MECOM: variants seen among roughly 807,000 people sequenced by gnomAD.
MECOM encodes histone-lysine N-methyltransferase MECOM.
MECOM carries 13 observed loss-of-function variants against 116.3 expected under a neutral mutation model. The ratio of observed to expected loss-of-function variants is 0.11; its 90% CI spans 0.07 to 0.18. The LOEUF is 0.18. MECOM is among the 10% of genes least tolerant of loss of function. MECOM has a pLI of 1.00. For synonymous variants in MECOM, 528 were observed against 535.2 expected (o/e 0.99, Z 0.19); for missense variants, 1,299 against 1,509.0 (o/e 0.86, Z 2.31).
At chr3:169,365,151 A>G (rs1273489531) in intron 2 of MECOM, among the ~76,000 whole-genome samples, 1 of 151,946 alleles carries the variant, frequency 6.6e-6, no homozygotes, top group Non-Finnish European at 1.5e-5. Flanking sequence ...ACCCTTCTCA[A>G]TCCTGGGGCT....
intron 2 of MECOM, among the ~76,000 whole-genome samples, chr3:169,160,879 A>G (rs13315850): frequency 0.013 from 2,038 of 152,296 alleles, 52 homozygotes; most frequent in African/African-American, 0.047. Context: ...TGTGGTAAAA[A>G]GAAGACAAAA....
At chr3:169,261,440 T>C (rs1419555211) in intron 2 of MECOM, among the ~76,000 whole-genome samples, 18 of 152,292 alleles carry the variant, frequency 1.2e-4, no homozygotes, top group South Asian at 4.2e-4. Context: ...GGCTCATGCC[T>C]GTAATCCCAG....
intron 2 of MECOM, among the ~76,000 whole-genome samples, chr3:169,176,922 T>C (rs968824792): frequency 1.3e-5 from 2 of 152,116 alleles, no homozygotes; most frequent in Non-Finnish European, 1.5e-5. Flanking sequence ...TGAGATACCA[T>C]CTCATGCCAG....
intron 1 of MECOM, among the ~76,000 whole-genome samples, chr3:169,590,632 T>C (rs1457308944): frequency 6.6e-6 from 1 of 152,250 alleles, no homozygotes; most frequent in Non-Finnish European, 1.5e-5. Flanking sequence ...TATGCATATT[T>C]CATTTAACCT....
chr3:169,094,199 G>C (rs946551149), intron 13 of MECOM, among the ~76,000 whole-genome samples: 1 of 152,098 alleles, frequency 6.6e-6, no homozygotes, highest in Non-Finnish European at 1.5e-5. Context: ...GGGGAAGAAA[G>C]ATTAATAATT....
At chr3:169,604,022 T>C (rs961425104) in intron 1 of MECOM, among the ~76,000 whole-genome samples, 3 of 152,200 alleles carry the variant, frequency 2.0e-5, no homozygotes, top group Admixed American at 6.5e-5. Context: ...GTTTTTAAAG[T>C]TTCTAAGGAA....
At chr3:169,108,064 C>T (rs999943531) in intron 9 of MECOM, 112 bp from the exon 10 acceptor site, 27 of 801,744 alleles carry the variant, frequency 3.4e-5, no homozygotes, top group Non-Finnish European at 5.4e-5. Context: ...TTTTGCTTAT[C>T]ATGTAACTGT....
intron 1 of MECOM, among the ~76,000 whole-genome samples, chr3:169,496,202 A>G (rs1235168419): frequency 2.6e-5 from 4 of 152,252 alleles, no homozygotes; most frequent in African/African-American, 4.8e-5. Context: ...GGCAGAGTCT[A>G]TCAGGAGTTC....
intron 1 of MECOM, among the ~76,000 whole-genome samples, chr3:169,505,460 C>A (rs539810441): frequency 1.3e-5 from 2 of 152,186 alleles, no homozygotes; most frequent in Non-Finnish European, 2.9e-5. Flanking sequence ...AGGTACATAA[C>A]TTGATATACA....
intron 2 of MECOM, among the ~76,000 whole-genome samples, chr3:169,357,823 A>T (rs1727524928): frequency 6.6e-6 from 1 of 151,834 alleles, no homozygotes; most frequent in South Asian, 2.1e-4. Context: ...AAAGACAGAA[A>T]AAGGGAAGAA....
intron 1 of MECOM, among the ~76,000 whole-genome samples, chr3:169,541,536 A>T (rs1405248147): frequency 6.6e-6 from 1 of 152,172 alleles, no homozygotes; most frequent in African/African-American, 2.4e-5. Flanking sequence ...AACTCTGCGC[A>T]TGGCTCGAAT....
Position 169,089,202 on chromosome 3 carries a change from A to G in MECOM, c.3402-19T>C, listed in dbSNP as rs768016156. The G allele has an allele frequency of 1.4e-6, 2 of 1,453,288 alleles. No homozygotes were observed. The highest frequency in any genetic ancestry group is 1.8e-6 in the Non-Finnish European group (2 of 1,100,430). 90.0% of individuals were successfully genotyped at this position (1,453,288 alleles called of 1,614,324 possible). The stretch of plus-strand genomic sequence containing the variant: ...TTTATACCTAAAATGAACCAACGAA[A>G]AACACAGAAATTTTCTTTTCATTTG... On this transcript the variant is annotated intron_variant, in intron 15 of 16. Transcript: ENST00000651503.
intron 1 of MECOM, among the ~76,000 whole-genome samples, chr3:169,522,371 T>C (rs1757443402): frequency 1.3e-5 from 2 of 152,212 alleles, no homozygotes; most frequent in Non-Finnish European, 2.9e-5. Context: ...GTCATGACTC[T>C]AGGTTGCCTT....
chr3:169,210,908 T>C (rs1750639231), intron 2 of MECOM, among the ~76,000 whole-genome samples: 1 of 152,186 alleles, frequency 6.6e-6, no homozygotes, highest in Non-Finnish European at 1.5e-5. Flanking sequence ...TCCAGTTTCT[T>C]TCCCTCAGCA....
chr3:169,227,644 A>G (rs1033316227), intron 2 of MECOM, among the ~76,000 whole-genome samples: 55 of 152,308 alleles, frequency 3.6e-4, no homozygotes, highest in South Asian at 1.7e-3. Flanking sequence ...GGCAGGCTGG[A>G]CACAAACTTT....
intron 10 of MECOM, among the ~76,000 whole-genome samples, chr3:169,105,681 T>C (rs1167223397): frequency 6.6e-6 from 1 of 150,886 alleles, no homozygotes; most frequent in Admixed American, 6.6e-5. Flanking sequence ...GATCAGTAAA[T>C]GACAGTTTTT....
chr3:169,335,866 A>G (rs893671277), intron 2 of MECOM, among the ~76,000 whole-genome samples: 1 of 152,120 alleles, frequency 6.6e-6, no homozygotes, highest in Non-Finnish European at 1.5e-5. Flanking sequence ...AAAGAAATCC[A>G]TTTTACTAAA....
intron 2 of MECOM, among the ~76,000 whole-genome samples, chr3:169,249,642 C>G (rs1208235586): frequency 6.6e-6 from 1 of 152,076 alleles, no homozygotes; most frequent in Non-Finnish European, 1.5e-5. Context: ...GTCTAGATTG[C>G]CTTGATATGG....
chr3:169,432,469 C>T (rs529989348), intron 1 of MECOM, among the ~76,000 whole-genome samples: 1 of 151,912 alleles, frequency 6.6e-6, no homozygotes, highest in South Asian at 2.1e-4. Context: ...TCATTTTTTT[C>T]TTCTCATTAT....
Sources: allele counts gnomAD v4.1 joint callset (sites outside exome capture counted in the v4.1 genomes callset), GRCh38; gene constraint gnomAD v4.1.1; transcripts MANE v1.5; gene names NCBI Gene and HGNC (gene_info 2026-07-23, HGNC 2026-07-21).